Variants in EPHA6 observed in about 807,000 individuals in gnomAD.
EPHA6 encodes the protein ephrin type-A receptor 6.
Under a neutral mutation model 112.0 loss-of-function variants are expected in EPHA6, and 50 were observed. That is an observed-to-expected ratio of 0.45 (90% CI 0.36 to 0.56). The LOEUF is 0.56. Among genes scored for constraint, EPHA6 ranks in the 20% least tolerant of loss-of-function variants. EPHA6 has a pLI of 0.00. For synonymous variants in EPHA6, 529 were observed against 490.7 expected, an observed-to-expected ratio of 1.08 and a Z score of -1.03; for missense variants, 1,280 against 1,417.4, an observed-to-expected ratio of 0.90 and a Z score of 1.56.
chr3:97,146,277 TC>T (rs2076041858), intron 3 of EPHA6, among the ~76,000 whole-genome samples: 1 of 151,876 alleles, frequency 6.6e-6, no homozygotes, highest in South Asian at 2.1e-4. Context: ...AGTGTAGTTT[TC>T]TCTGTAGTTT....
intron 3 of EPHA6, among the ~76,000 whole-genome samples, chr3:96,993,372 C>T (rs1219932167): frequency 6.6e-6 from 1 of 151,642 alleles, no homozygotes; most frequent in East Asian, 1.9e-4. Context: ...TCTTGCCGCA[C>T]TGCAACTTCC....
chr3:96,964,570 G>C (rs1219328153), intron 2 of EPHA6, among the ~76,000 whole-genome samples: 1 of 152,078 alleles, frequency 6.6e-6, no homozygotes, highest in Non-Finnish European at 1.5e-5. Flanking sequence ...TATACGATCT[G>C]TGTTTGTTGC....
At chr3:97,108,415 T>C (rs2047629496) in intron 3 of EPHA6, among the ~76,000 whole-genome samples, 1 of 152,126 alleles carries the variant, frequency 6.6e-6, no homozygotes, top group Non-Finnish European at 1.5e-5. Context: ...CAACACAGAA[T>C]GAGCTGCAGC....
chr3:97,203,809 A>G (rs558357189), intron 3 of EPHA6, among the ~76,000 whole-genome samples: 2 of 152,274 alleles, frequency 1.3e-5, no homozygotes, highest in South Asian at 4.1e-4. Context: ...CTCTATAGTC[A>G]CTAATAGCTT....
intron 5 of EPHA6, among the ~76,000 whole-genome samples, chr3:97,306,511 T>A (rs2081326949): frequency 6.6e-6 from 1 of 151,654 alleles, no homozygotes; most frequent in South Asian, 2.1e-4. Flanking sequence ...ACACACCCTG[T>A]TCTGATTTCC....
chr3:97,151,278 A>G (rs1293429428), intron 3 of EPHA6, among the ~76,000 whole-genome samples: 1 of 152,170 alleles, frequency 6.6e-6, no homozygotes, highest in Non-Finnish European at 1.5e-5. Flanking sequence ...TCCACTTAGA[A>G]GTGATCTTTT....
At chr3:97,538,254 G>T (rs2092790655) in intron 11 of EPHA6, among the ~76,000 whole-genome samples, 1 of 152,232 alleles carries the variant, frequency 6.6e-6, no homozygotes, top group East Asian at 1.9e-4. Flanking sequence ...ATAGATTCTA[G>T]ATCTACTTCC....
chr3:96,977,865 G>A (rs1159031246), intron 2 of EPHA6, among the ~76,000 whole-genome samples: 6 of 152,080 alleles, frequency 3.9e-5, no homozygotes. Flanking sequence ...AAAAGAAAAT[G>A]TTATTAATCA....
rs1460544768 is a variant in EPHA6 at position 96,886,751 on chromosome 3, C to A, written c.450+19862C>A. 2.0e-5 allele frequency among the ~76,000 whole-genome samples: 3 copies of A among 151,948 alleles called. 1 individual carries two copies. The highest frequency in any genetic ancestry group is 2.9e-5 in the Non-Finnish European group (2 of 67,952). ...TTTTTTTGTTTGTTTTTTGTTTTTG[C>A]TTTTTAACTTGTATTTTTGTTTTGT... On this transcript the variant is annotated intron_variant, in intron 2 of 17. Transcript: ENST00000389672.
chr3:96,944,955 A>G (rs1022290531), intron 2 of EPHA6, among the ~76,000 whole-genome samples: 1 of 152,032 alleles, frequency 6.6e-6, no homozygotes, highest in Non-Finnish European at 1.5e-5. Context: ...CAAACAAACA[A>G]CAAAAACAAA....
intron 2 of EPHA6, among the ~76,000 whole-genome samples, chr3:96,954,863 G>A (rs1167038099): frequency 2.2e-5 from 3 of 137,154 alleles, no homozygotes; most frequent in Admixed American, 8.4e-5. Flanking sequence ...GCGCAATCTC[G>A]GCTCACTGCA....
intron 2 of EPHA6, among the ~76,000 whole-genome samples, chr3:96,884,466 T>C (rs1192948283): frequency 6.6e-6 from 1 of 152,132 alleles, no homozygotes; most frequent in Non-Finnish European, 1.5e-5. Context: ...GAGTATTTTA[T>C]TATTATTATT....
chr3:97,299,048 G>A (rs1199794527), intron 5 of EPHA6, among the ~76,000 whole-genome samples: 1 of 152,062 alleles, frequency 6.6e-6, no homozygotes, highest in East Asian at 1.9e-4. Flanking sequence ...ACTGCCAGTT[G>A]ATGATCTTAT....
chr3:97,371,957 T>G (rs945839363), intron 5 of EPHA6, among the ~76,000 whole-genome samples: 3 of 152,152 alleles, frequency 2.0e-5, no homozygotes, highest in Admixed American at 2.0e-4. Context: ...TTGTCTGCTC[T>G]CAAACGCTCT....
At chr3:96,861,057 C>T (rs1051053572) in intron 1 of EPHA6, among the ~76,000 whole-genome samples, 6 of 151,834 alleles carry the variant, frequency 4.0e-5, no homozygotes, top group Non-Finnish European at 8.8e-5. Context: ...CATCCACACC[C>T]GAGTTATCCT....
intron 3 of EPHA6, among the ~76,000 whole-genome samples, chr3:97,225,608 T>C (rs1452501916): frequency 6.6e-6 from 1 of 152,212 alleles, no homozygotes; most frequent in Non-Finnish European, 1.5e-5. Flanking sequence ...CCACCACTCC[T>C]CATTGATGTT....
At chr3:97,177,336 GA>G (rs1354587484) in intron 3 of EPHA6, among the ~76,000 whole-genome samples, 1 of 151,872 alleles carries the variant, frequency 6.6e-6, no homozygotes, top group East Asian at 1.9e-4. Flanking sequence ...CTGAGGAAAA[GA>G]ATCTGTATTC....
chr3:97,290,697 T>C (rs1245162056), intron 5 of EPHA6, among the ~76,000 whole-genome samples: 2 of 152,180 alleles, frequency 1.3e-5, no homozygotes, highest in African/African-American at 2.4e-5. Context: ...TTTGATGATC[T>C]TTTGTATTTC....
At chr3:97,010,159 G>T in intron 3 of EPHA6, 1 of 1,108,550 alleles carries the variant, frequency 9.0e-7, no homozygotes, top group Non-Finnish European at 1.2e-6. Flanking sequence ...ATTTTGTTGT[G>T]TTTTCATTAA....
Sources: allele counts gnomAD v4.1 joint callset (sites outside exome capture counted in the v4.1 genomes callset), GRCh38; gene constraint gnomAD v4.1.1; transcripts MANE v1.5; gene names NCBI Gene and HGNC (gene_info 2026-07-23, HGNC 2026-07-21).